Variants in GAP43 observed in about 807,000 individuals in gnomAD.
The protein encoded by GAP43 is growth associated protein 43, also known as neuromodulin.
A neutral mutation model predicts 18.6 loss-of-function variants in GAP43; 6 were observed. The ratio of observed to expected loss-of-function variants is 0.32; its 90% CI spans 0.18 to 0.64. GAP43 has a LOEUF of 0.64. Ranked by LOEUF, GAP43 falls within the 30% of genes least tolerant of loss-of-function variation. The pLI, the probability that GAP43 is intolerant of heterozygous loss-of-function variation, is 0.78. For missense variants in GAP43, 292 were observed against 295.5 expected, an observed-to-expected ratio of 0.99 and a Z score of 0.09; for synonymous variants, 115 against 111.4, an observed-to-expected ratio of 1.03 and a Z score of -0.20.
intron 1 of GAP43, among the ~76,000 whole-genome samples, chr3:115,671,241 C>A (rs1201807074): frequency 6.6e-6 from 1 of 152,194 alleles, no homozygotes; most frequent in African/African-American, 2.4e-5. Flanking sequence ...TCCATTCCTC[C>A]TTTCCCCAAA....
chr3:115,691,311 A>C (rs1201872279), intron 2 of GAP43, among the ~76,000 whole-genome samples: 2 of 152,214 alleles, frequency 1.3e-5, no homozygotes, highest in Non-Finnish European at 2.9e-5. Flanking sequence ...TCTTGCTTGG[A>C]GGCCTGCAGT....
chr3:115,678,107 A>G (rs1195922330), intron 2 of GAP43, among the ~76,000 whole-genome samples: 1 of 152,320 alleles, frequency 6.6e-6, no homozygotes, highest in East Asian at 1.9e-4. Flanking sequence ...GGAAAAGGTA[A>G]GGCATGTGAT....
At chr3:115,670,040 C>T (rs2107486204) in intron 1 of GAP43, among the ~76,000 whole-genome samples, 1 of 130,688 alleles carries the variant, frequency 7.7e-6, no homozygotes, top group South Asian at 2.6e-4. Context: ...TACATGTGCA[C>T]ATTGTGCAGG....
chr3:115,659,462 C>T (rs1442951748), intron 1 of GAP43, among the ~76,000 whole-genome samples: 1 of 152,110 alleles, frequency 6.6e-6, no homozygotes, highest in African/African-American at 2.4e-5. Flanking sequence ...TGTGAGATTT[C>T]CTCTTCGCTT....
In GAP43 at chr3:115,623,539, T is replaced by A. The variant is rs1708140332; in HGVS notation, c.-151T>A. On this transcript the variant is annotated 5_prime_UTR_variant, in exon 1 of 3. Transcript: ENST00000305124. ...TTGCTGCTAACTGCCCTGGTGTGTG[T>A]GAGGGAGAGAGAGGGAGGGAGGGAG... The A allele has an allele frequency of 1.2e-6, 1 of 828,650 alleles. No homozygotes were observed. The highest frequency in any genetic ancestry group is 1.8e-5 in the African/African-American group (1 of 56,330). The allele number at this position is 828,650 out of a possible 1,614,324, so 51.3% of individuals were successfully genotyped here. A position where few individuals can be genotyped will look rare whatever the true frequency, so the allele number is the denominator to read the frequency against.
At chr3:115,677,980 T>C (rs1287110132) in intron 2 of GAP43, among the ~76,000 whole-genome samples, 3 of 152,252 alleles carry the variant, frequency 2.0e-5, no homozygotes, top group Non-Finnish European at 4.4e-5. Flanking sequence ...AACATTGTTA[T>C]TGGCATATTC....
intron 2 of GAP43, among the ~76,000 whole-genome samples, chr3:115,682,235 A>G (rs1032190295): frequency 2.6e-4 from 39 of 152,228 alleles, no homozygotes; most frequent in Non-Finnish European, 5.4e-4. Context: ...TAGACCTGAG[A>G]GAGCTATAAA....
chr3:115,634,408 A>C (rs1708303644), intron 1 of GAP43, among the ~76,000 whole-genome samples: 1 of 152,112 alleles, frequency 6.6e-6, no homozygotes. Context: ...AGCTGTTTCC[A>C]AGGGATTTAT....
chr3:115,719,514 C>T (rs1480748798), intron 2 of GAP43, among the ~76,000 whole-genome samples: 1 of 152,140 alleles, frequency 6.6e-6, no homozygotes, highest in Non-Finnish European at 1.5e-5. Flanking sequence ...GCCTACATGA[C>T]CTATTACCAG....
chr3:115,660,017 C>T (rs1405742538), intron 1 of GAP43, among the ~76,000 whole-genome samples: 2 of 152,108 alleles, frequency 1.3e-5, no homozygotes, highest in Non-Finnish European at 2.9e-5. Context: ...TTTTTCATCG[C>T]AGAGGCTTTG....
intron 1 of GAP43, among the ~76,000 whole-genome samples, chr3:115,667,406 C>T (rs982219856): frequency 6.6e-6 from 1 of 152,142 alleles, no homozygotes; most frequent in African/African-American, 2.4e-5. Flanking sequence ...TCTCAAGTAC[C>T]TGCTGACTCA....
At chr3:115,711,931 TACTTC>T (rs1381990535) in intron 2 of GAP43, among the ~76,000 whole-genome samples, 1 of 152,248 alleles carries the variant, frequency 6.6e-6, no homozygotes, top group Non-Finnish European at 1.5e-5. Flanking sequence ...TTAATATATT[TACTTC>T]ATCTTATTCC....
chr3:115,681,708 T>A (rs1366749053), intron 2 of GAP43, among the ~76,000 whole-genome samples: 1 of 152,252 alleles, frequency 6.6e-6, no homozygotes, highest in African/African-American at 2.4e-5. Context: ...TAGCACTTAA[T>A]GAGCATTTAT....
intron 1 of GAP43, among the ~76,000 whole-genome samples, chr3:115,675,324 C>T (rs1296692878): frequency 6.6e-6 from 1 of 152,180 alleles, no homozygotes; most frequent in East Asian, 1.9e-4. Context: ...CCTGCCTTCA[C>T]TTCTCAAGGT....
In GAP43 at chr3:115,676,434, C is replaced by T. The variant is rs759584991; in HGVS notation, c.452C>T (p.Ser151Leu). 9.9e-6 allele frequency: 16 copies of T among 1,613,834 alleles called. No homozygotes were observed. Among genetic ancestry groups the T allele is most frequent in the Middle Eastern group, 1.6e-4 (1 of 6,080 alleles). ...ESATKASTDN[S>L]PSSKAEDAPA... The stretch of plus-strand genomic sequence containing the variant: ...GCCACTAAAGCTTCCACTGATAACT[C>T]GCCGTCCTCCAAGGCTGAAGATGCC... Residue 151 changes from serine to leucine, a missense_variant, in exon 2 of 3, where the codon TCG becomes TTG. By Grantham distance (145) the Ser-to-Leu change is moderately radical. Transcript: ENST00000305124.
intron 1 of GAP43, among the ~76,000 whole-genome samples, chr3:115,670,403 A>G (rs1396294457): frequency 6.6e-6 from 1 of 151,922 alleles, no homozygotes; most frequent in Non-Finnish European, 1.5e-5. Flanking sequence ...TCATTGTTGG[A>G]CATTTCATCT....
intron 1 of GAP43, among the ~76,000 whole-genome samples, chr3:115,647,959 C>G (rs1022456608): frequency 1.3e-5 from 2 of 152,050 alleles, no homozygotes; most frequent in African/African-American, 4.8e-5. Flanking sequence ...CTAGAGTGTT[C>G]ATAATTGAAA....
intron 1 of GAP43, among the ~76,000 whole-genome samples, chr3:115,625,021 C>G (rs1708168925): frequency 6.6e-6 from 1 of 151,480 alleles, no homozygotes; most frequent in Non-Finnish European, 1.5e-5. Context: ...GGAAATTGGG[C>G]AATTTGTAAT....
At chr3:115,675,497 C>T (rs558676138) in intron 1 of GAP43, among the ~76,000 whole-genome samples, 5 of 152,076 alleles carry the variant, frequency 3.3e-5, no homozygotes, top group Non-Finnish European at 7.4e-5. Context: ...TGCGGTGGCT[C>T]ACGCCTGTAA....
Sources: allele counts gnomAD v4.1 joint callset (sites outside exome capture counted in the v4.1 genomes callset), GRCh38; gene constraint gnomAD v4.1.1; transcripts MANE v1.5; gene names NCBI Gene and HGNC (gene_info 2026-07-23, HGNC 2026-07-21).